Variants in TSNARE1 observed in about 807,000 individuals in gnomAD.
TSNARE1 encodes t-SNARE domain-containing protein 1.
Under a neutral mutation model 62.0 loss-of-function variants are expected in TSNARE1, and 49 were observed. The observed-to-expected ratio is 0.79, with a 90% confidence interval of 0.63 to 1.00. TSNARE1 has a LOEUF of 1.00. Ranked by LOEUF, TSNARE1 falls within the 50% of genes least tolerant of loss-of-function variation. The probability of loss-of-function intolerance (pLI) is 0.00; values close to 1 mark genes in which losing one functional copy is unlikely to be tolerated. For synonymous variants in TSNARE1, 328 were observed against 294.4 expected (o/e 1.11, Z -1.17); for missense variants, 755 against 700.1 (o/e 1.08, Z -0.88).
At chr8:142,214,071 G>A (rs903700735) in intron 13 of TSNARE1, among the ~76,000 whole-genome samples, 1 of 152,194 alleles carries the variant, frequency 6.6e-6, no homozygotes, top group Admixed American at 6.5e-5. Flanking sequence ...GGTCCTCAGG[G>A]CTGGCAAGAG....
intron 1 of TSNARE1, among the ~76,000 whole-genome samples, chr8:142,398,478 T>A (rs984789212): frequency 2.0e-5 from 3 of 149,270 alleles, no homozygotes; most frequent in Non-Finnish European, 4.4e-5. Context: ...CCTCTCCACC[T>A]CCTCACTCCA....
chr8:142,358,383 C>G (rs1360450800), intron 1 of TSNARE1, among the ~76,000 whole-genome samples: 1 of 152,116 alleles, frequency 6.6e-6, no homozygotes, highest in Non-Finnish European at 1.5e-5. Context: ...GAGGTAGGAA[C>G]GCTCATGGGA....
intron 12 of TSNARE1, chr8:142,269,469 C>T: frequency 4.1e-6 from 4 of 985,470 alleles, no homozygotes; most frequent in Non-Finnish European, 4.8e-6. Context: ...AGGCCACTGT[C>T]AGCCGTGCTG....
chr8:142,255,384 TACC>T (rs1433845670), intron 12 of TSNARE1, among the ~76,000 whole-genome samples: 1 of 104,278 alleles, frequency 9.6e-6, no homozygotes, highest in Admixed American at 9.3e-5. Flanking sequence ...TCATGGCTGT[TACC>T]ACCACCATTA....
intron 12 of TSNARE1, among the ~76,000 whole-genome samples, chr8:142,238,174 C>T (rs957772429): frequency 9.2e-5 from 14 of 152,132 alleles, no homozygotes; most frequent in African/African-American, 3.1e-4. Context: ...GTCTGTCTCC[C>T]TGGGTCTCCA....
intron 4 of TSNARE1, among the ~76,000 whole-genome samples, chr8:142,335,295 G>A (rs1481161665): frequency 4.6e-5 from 7 of 152,010 alleles, no homozygotes; most frequent in Non-Finnish European, 1.0e-4. Flanking sequence ...TAAATGACCC[G>A]TGGTCCTGAA....
At chr8:142,270,410 ACT>A (rs1563794593) in intron 12 of TSNARE1, 1 of 985,194 alleles carries the variant, frequency 1.0e-6, no homozygotes, top group African/African-American at 1.7e-5. Context: ...GTAAAAAAAT[ACT>A]TTTTGCAAGA....
intron 12 of TSNARE1, chr8:142,269,859 C>A (rs1819370523): frequency 1.0e-6 from 1 of 985,334 alleles, no homozygotes; most frequent in Non-Finnish European, 1.2e-6. Context: ...GGACATGTGG[C>A]TACACCTCAG....
rs183172540 is a variant in TSNARE1, at chr8:142,261,658, C to T, written c.1446+13123G>A. The stretch of plus-strand genomic sequence containing the variant: ...TTCTCCTTGCTCCTCATCCTGGCCA[C>T]GGCCCCGGGGTGGGGGTGCAGGGGG... On this transcript the variant is annotated intron_variant, in intron 12 of 13. Transcript: ENST00000524325. 1.8e-4 allele frequency among the ~76,000 whole-genome samples: 28 copies of T among 152,192 alleles called. No homozygotes were observed. The East Asian group carries it at 4.1e-3, about 22-fold the overall frequency.
chr8:142,370,010 C>A (rs1835813869), intron 1 of TSNARE1, among the ~76,000 whole-genome samples: 1 of 152,120 alleles, frequency 6.6e-6, no homozygotes, highest in Non-Finnish European at 1.5e-5. Context: ...GTAATGAGAT[C>A]ATGGAGGTGG....
chr8:142,224,156 G>A (rs1038495102), intron 13 of TSNARE1, among the ~76,000 whole-genome samples: 1 of 152,218 alleles, frequency 6.6e-6, no homozygotes, highest in Non-Finnish European at 1.5e-5. Context: ...ACCAAGCAAT[G>A]GGGCCTGGAG....
intron 1 of TSNARE1, among the ~76,000 whole-genome samples, chr8:142,397,976 G>C (rs542555732): frequency 1.3e-5 from 2 of 152,038 alleles, no homozygotes; most frequent in Non-Finnish European, 1.5e-5. Flanking sequence ...TCCCTGCTCA[G>C]CACCAACAGC....
At chr8:142,289,279 T>C (rs1823348495) in intron 10 of TSNARE1, among the ~76,000 whole-genome samples, 3 of 151,994 alleles carry the variant, frequency 2.0e-5, no homozygotes, top group Admixed American at 6.5e-5. Flanking sequence ...TTCTGGAAAA[T>C]GGCTCACCAC....
At chr8:142,308,125 A>C (rs1159483603) in intron 9 of TSNARE1, among the ~76,000 whole-genome samples, 1 of 152,164 alleles carries the variant, frequency 6.6e-6, no homozygotes, top group Non-Finnish European at 1.5e-5. Flanking sequence ...ATATCTTTAT[A>C]TATTAAGGAT....
Position 142,315,052 on chromosome 8 carries a change from A to T in TSNARE1, c.1025T>A (p.Leu342Gln). 6.2e-7 allele frequency: 1 copy of T among 1,614,148 alleles called. No individual in the cohort carries two copies. Among genetic ancestry groups the T allele is most frequent in the South Asian group, 1.1e-5 (1 of 91,080 alleles). ...LQQERPQLDRLKTQLSDAIQC... is the reference protein window; with the variant it reads ...LQQERPQLDRQKTQLSDAIQC... The stretch of plus-strand genomic sequence containing the variant: ...AATGGCATCTGAGAGCTGGGTTTTC[A>T]GCCGGTCCAGCTGAGGACGCTCCTG... Residue 342 changes from leucine to glutamine, a missense_variant, in exon 8 of 14, where the codon CTG becomes CAG. By Grantham distance (113) the Leu-to-Gln change is moderately radical. Transcript: ENST00000524325.
chr8:142,392,552 T>C (rs1431194018), intron 1 of TSNARE1, among the ~76,000 whole-genome samples: 2 of 152,170 alleles, frequency 1.3e-5, no homozygotes, highest in East Asian at 3.9e-4. Context: ...CGGGAATTTT[T>C]CGGCGCCAGT....
Position 142,216,784 on chromosome 8 carries a change from C to T in TSNARE1, c.*12-4471G>A, listed in dbSNP as rs552545840. 2.0e-3 allele frequency among the ~76,000 whole-genome samples: 310 copies of T among 152,320 alleles called. 1 individual carries two copies. Among genetic ancestry groups the T allele is most frequent in the African/African-American group, 7.0e-3 (291 of 41,560 alleles). On this transcript the variant is annotated intron_variant, in intron 13 of 13. Coordinates refer to ENST00000524325, the MANE Select transcript of TSNARE1 (RefSeq NM_145003.5). ...TGTAAAATGGGCAGATACTTGGCAC[C>T]GACCCTGCCTGGTTGTTTATCCTCC...
chr8:142,244,165 G>A (rs759605257), intron 12 of TSNARE1, among the ~76,000 whole-genome samples: 62 of 152,218 alleles, frequency 4.1e-4, no homozygotes, highest in Non-Finnish European at 7.8e-4. Context: ...TAGCCTGGGC[G>A]ACAGAGCGAG....
chr8:142,279,270 GT>G (rs371203600), intron 11 of TSNARE1, among the ~76,000 whole-genome samples: 2 of 152,244 alleles, frequency 1.3e-5, no homozygotes, highest in African/African-American at 4.8e-5. Context: ...AGGGCTGCCC[GT>G]GGAGAGGAAG....
Sources: allele counts gnomAD v4.1 joint callset (sites outside exome capture counted in the v4.1 genomes callset), GRCh38; gene constraint gnomAD v4.1.1; transcripts MANE v1.5; gene names NCBI Gene and HGNC (gene_info 2026-07-23, HGNC 2026-07-21).